Variants in CPA6 observed in about 807,000 individuals in gnomAD.
The protein encoded by CPA6 is carboxypeptidase A6, also known as carboxypeptidase B.
Under a neutral mutation model 63.3 loss-of-function variants are expected in CPA6, and 58 were observed. The observed-to-expected ratio is 0.92, with a 90% CI of 0.74 to 1.14. The LOEUF (loss-of-function observed/expected upper bound fraction) is 1.14, where lower values mean the gene tolerates loss of function less well. Ranked by LOEUF, CPA6 falls within the 50% of genes most tolerant of loss-of-function variation. The pLI is 0.00. For synonymous variants in CPA6, 185 were observed against 179.0 expected, an observed-to-expected ratio of 1.03 and a Z score of -0.27; for missense variants, 565 against 526.6, an observed-to-expected ratio of 1.07 and a Z score of -0.71.
chr8:67,630,696 G>A (rs1815305334), intron 1 of CPA6, among the ~76,000 whole-genome samples: 1 of 152,224 alleles, frequency 6.6e-6, no homozygotes, highest in East Asian at 1.9e-4. Flanking sequence ...GCCGGAGCTG[G>A]CTCCCTCTGC....
At chr8:67,469,587 C>A (rs1811009302) in intron 8 of CPA6, among the ~76,000 whole-genome samples, 1 of 152,182 alleles carries the variant, frequency 6.6e-6, no homozygotes, top group East Asian at 1.9e-4. Flanking sequence ...GCCTGGGTGA[C>A]AGAGTGAGAC....
intron 8 of CPA6, among the ~76,000 whole-genome samples, chr8:67,475,890 CTTTCTTTCTTTCTTTCTTT>C: frequency 2.3e-5 from 1 of 43,598 alleles, no homozygotes; most frequent in African/African-American, 1.0e-4. Flanking sequence ...TCCTTTCTTT[CTTTCTTTCTTTCTTTCTTT>C]CTTTCTTTCT....
At chr8:67,487,465 G>A (rs1811505321) in intron 6 of CPA6, among the ~76,000 whole-genome samples, 1 of 152,122 alleles carries the variant, frequency 6.6e-6, no homozygotes, top group Non-Finnish European at 1.5e-5. Context: ...ATGGACATTT[G>A]GGTTGGTTCC....
At chr8:67,642,530 C>G (rs1000718816) in intron 1 of CPA6, among the ~76,000 whole-genome samples, 2 of 151,998 alleles carry the variant, frequency 1.3e-5, no homozygotes, top group Non-Finnish European at 2.9e-5. Flanking sequence ...GAATAAGAAA[C>G]AGGCAACGCA....
In CPA6 at chr8:67,675,162, C is replaced by T. The variant is rs142700023; in HGVS notation, c.117-50911G>A. Among the ~76,000 whole-genome samples, 59 of 152,266 alleles carry T rather than the reference C, an allele frequency of 3.9e-4. No individual in the cohort carries two copies. The East Asian group carries it at 0.01, about 26-fold the overall frequency. On this transcript the variant is annotated intron_variant, in intron 1 of 10. Coordinates refer to ENST00000297770, the MANE Select transcript of CPA6 (RefSeq NM_020361.5). The stretch of plus-strand genomic sequence containing the variant: ...ACTCATCTCATGTAACAAACCTGCA[C>T]AGGTACTCCCTGTATCTTAAATAAA...
At chr8:67,633,218 C>G (rs994841010) in intron 1 of CPA6, among the ~76,000 whole-genome samples, 1 of 152,090 alleles carries the variant, frequency 6.6e-6, no homozygotes, top group Non-Finnish European at 1.5e-5. Context: ...CATTTTTTCC[C>G]CATAGGATTG....
intron 8 of CPA6, among the ~76,000 whole-genome samples, chr8:67,465,426 G>A (rs1212302870): frequency 6.6e-6 from 1 of 152,124 alleles, no homozygotes; most frequent in Non-Finnish European, 1.5e-5. Flanking sequence ...TCTAGGTATA[G>A]AATCACATTA....
rs752233230 is a variant in CPA6, at chr8:67,746,024, G to A, written c.106C>T (p.Arg36Cys). 3.7e-5 allele frequency: 59 copies of A among 1,612,660 alleles called. 1 individual carries two copies. Among genetic ancestry groups the A allele is most frequent in the South Asian group, 1.2e-4 (11 of 90,960 alleles). Residue 36 changes from arginine (R) to cysteine (C), a missense_variant, in exon 1 of 11, where the codon CGC (arginine) becomes TGC (cysteine). Physicochemically the swap from Arg to Cys is radical, Grantham distance 180. Coordinates refer to ENST00000297770, the MANE Select transcript of CPA6 (RefSeq NM_020361.5). The stretch of plus-strand genomic sequence containing the variant: ...TGTCGCTCCACTTACCCAGCATAGC[G>A]GTTGTTATAAAGGTGGCTGTGCCCC... The part of the protein sequence containing the change: ...QPGHSHLYNN[R>C]YAGDKVIRFI...
intron 5 of CPA6, among the ~76,000 whole-genome samples, chr8:67,508,013 G>GTGTGTT (rs1811967106): frequency 1.8e-5 from 1 of 55,898 alleles, no homozygotes. Context: ...GTGTGTGTGT[G>GTGTGTT]TGTGTGTGTG....
intron 1 of CPA6, among the ~76,000 whole-genome samples, chr8:67,654,386 G>C (rs995665668): frequency 1.3e-5 from 2 of 152,100 alleles, no homozygotes; most frequent in African/African-American, 4.8e-5. Flanking sequence ...GACTCTTTTT[G>C]TTGGTAAGCT....
intron 8 of CPA6, among the ~76,000 whole-genome samples, chr8:67,466,433 G>A (rs890257797): frequency 3.3e-5 from 5 of 152,038 alleles, no homozygotes; most frequent in African/African-American, 1.2e-4. Context: ...CTTGTTGTTT[G>A]TATGAATTTT....
intron 2 of CPA6, among the ~76,000 whole-genome samples, chr8:67,585,312 CT>C (rs1200550292): frequency 2.0e-5 from 3 of 152,060 alleles, no homozygotes; most frequent in Middle Eastern, 3.2e-3. Flanking sequence ...TGGGTATGAA[CT>C]TTTTTGCAGG....
At chr8:67,425,903 T>C (rs1809871825) in intron 10 of CPA6, among the ~76,000 whole-genome samples, 1 of 151,226 alleles carries the variant, frequency 6.6e-6, no homozygotes, top group South Asian at 2.1e-4. Context: ...TCTTTTCTTT[T>C]TTTTTTTTTT....
chr8:67,630,479 T>C (rs1223415742), intron 1 of CPA6, among the ~76,000 whole-genome samples: 1 of 152,144 alleles, frequency 6.6e-6, no homozygotes, highest in East Asian at 1.9e-4. Flanking sequence ...AAAATGATGT[T>C]GAATGAAAAA....
At chr8:67,518,408 A>C (rs372818063) in intron 2 of CPA6, among the ~76,000 whole-genome samples, 91 of 152,220 alleles carry the variant, frequency 6.0e-4, no homozygotes, top group African/African-American at 2.0e-3. Context: ...ATCACCCTTC[A>C]TCCTACCACA....
At chr8:67,684,058 T>A (rs987672426) in intron 1 of CPA6, among the ~76,000 whole-genome samples, 2 of 143,812 alleles carry the variant, frequency 1.4e-5, no homozygotes, top group African/African-American at 5.2e-5. Flanking sequence ...TTTATTTATT[T>A]TTTTTTTTTG....
chr8:67,739,541 A>T (rs185002158), intron 1 of CPA6, among the ~76,000 whole-genome samples: 1 of 152,292 alleles, frequency 6.6e-6, no homozygotes, highest in Non-Finnish European at 1.5e-5. Context: ...CACATATTTC[A>T]ACCTGTCACT....
At chr8:67,457,141 G>A (rs575838067) in intron 8 of CPA6, among the ~76,000 whole-genome samples, 4 of 152,270 alleles carry the variant, frequency 2.6e-5, no homozygotes, top group African/African-American at 7.2e-5. Flanking sequence ...AGCAGCAATG[G>A]GGCACAAATA....
chr8:67,437,802 G>A (rs1810195770), intron 8 of CPA6, among the ~76,000 whole-genome samples: 1 of 151,882 alleles, frequency 6.6e-6, no homozygotes. Context: ...AAATGAAAGG[G>A]CATGAAAAAT....
Sources: gnomAD v4.1 joint callset for allele counts (sites outside exome capture counted in the v4.1 genomes callset) on GRCh38, gnomAD v4.1.1 for gene constraint, MANE v1.5 for transcripts, NCBI Gene and HGNC (gene_info 2026-07-23, HGNC 2026-07-21) for gene names.